BCAT1: variants seen among roughly 807,000 people sequenced by gnomAD.
BCAT1 encodes branched-chain-amino-acid aminotransferase, cytosolic.
A neutral mutation model predicts 52.4 loss-of-function variants in BCAT1; 48 were observed. The ratio of observed to expected loss-of-function variants is 0.92; its 90% CI spans 0.73 to 1.16. The LOEUF (loss-of-function observed/expected upper bound fraction) is 1.16, where lower values mean the gene tolerates loss of function less well. Among genes scored for constraint, BCAT1 ranks in the 50% most tolerant of loss-of-function variants. The pLI, the probability that BCAT1 is intolerant of heterozygous loss-of-function variation, is 0.00. For missense variants in BCAT1, 451 were observed against 457.1 expected (o/e 0.99, Z 0.12); for synonymous variants, 167 against 161.3 (o/e 1.04, Z -0.27).
chr12:24,928,409 CAGG>C (rs1943626007), intron 1 of BCAT1, among the ~76,000 whole-genome samples: 1 of 152,028 alleles, frequency 6.6e-6, no homozygotes, highest in African/African-American at 2.4e-5. Flanking sequence ...GAGGCTGAGG[CAGG>C]AGAATTGTTT....
intron 1 of BCAT1, among the ~76,000 whole-genome samples, chr12:24,924,622 G>T (rs1943552695): frequency 1.3e-5 from 2 of 152,012 alleles, no homozygotes; most frequent in Non-Finnish European, 2.9e-5. Flanking sequence ...ATGTGAAATA[G>T]CCAATGAGCC....
chr12:24,923,552 G>A lies in BCAT1; in HGVS notation c.7-21667C>T, dbSNP rs151313875. ...CTCCTGAGTAGCTGGGACTACAGGC[G>A]TGCACCACCATGCCTGGCTAATTTT... On this transcript the variant is annotated intron_variant, in intron 1 of 10. Coordinates refer to ENST00000261192, the MANE Select transcript of BCAT1 (RefSeq NM_005504.7). Among the ~76,000 whole-genome samples the A allele has an allele frequency of 1.4e-4, 22 of 152,178 alleles. 1 individual carries two copies. The highest frequency in any genetic ancestry group is 4.3e-4 in the African/African-American group (18 of 41,528).
chr12:24,844,170 G>A lies in BCAT1; in HGVS notation c.675-1946C>T, dbSNP rs985625650. 5.9e-5 allele frequency among the ~76,000 whole-genome samples: 9 copies of A among 152,322 alleles called. No individual in the cohort carries two copies. The East Asian group carries it at 1.7e-3, about 29-fold the overall frequency. On this transcript the variant is annotated intron_variant, in intron 6 of 10. Transcript: ENST00000261192. ...AGGCCGGGCACGGTGGCTCATGCCT[G>A]TAATCCCAGCACTTTGGGAGGCTGA... is the stretch of plus-strand genomic sequence containing the variant.
intron 10 of BCAT1, among the ~76,000 whole-genome samples, chr12:24,820,386 A>G (rs1189890347): frequency 6.6e-6 from 1 of 152,210 alleles, no homozygotes; most frequent in East Asian, 1.9e-4. Context: ...TTTTCAAGGG[A>G]AAATAATTCT....
At chr12:24,924,838 G>A (rs926774028) in intron 1 of BCAT1, among the ~76,000 whole-genome samples, 12 of 152,174 alleles carry the variant, frequency 7.9e-5, no homozygotes, top group African/African-American at 2.9e-4. Context: ...CTATGTAGGA[G>A]AATGTCCCAT....
At chr12:24,940,897 T>C (rs958546940) in intron 1 of BCAT1, among the ~76,000 whole-genome samples, 1 of 152,212 alleles carries the variant, frequency 6.6e-6, no homozygotes, top group African/African-American at 2.4e-5. Context: ...TTCAAAATTC[T>C]AGGATTCAAT....
chr12:24,863,938 A>T (rs1422258546), intron 5 of BCAT1, among the ~76,000 whole-genome samples: 1 of 152,154 alleles, frequency 6.6e-6, no homozygotes, highest in Non-Finnish European at 1.5e-5. Context: ...CTCAAAAAAA[A>T]AAAAGAAGCC....
chr12:24,915,814 G>A (rs572839627), intron 1 of BCAT1, among the ~76,000 whole-genome samples: 10 of 152,326 alleles, frequency 6.6e-5, no homozygotes, highest in Non-Finnish European at 8.8e-5. Flanking sequence ...TGGCTCTTAA[G>A]TTGGCTTTGT....
rs540239734 is a variant in BCAT1, at chr12:24,874,975, A to G, written c.510+3555T>C. Among the ~76,000 whole-genome samples the G allele has an allele frequency of 9.9e-4, 149 of 150,734 alleles. 13 individuals are homozygous for G. The highest frequency in any genetic ancestry group is 4.0e-4 in the Admixed American group (6 of 15,000). ...TATGAAAAGGACATGAAATAAAAAC[A>G]TATAGAAGTCAGCCAAAAGCAAGAC... On this transcript the variant is annotated intron_variant, in intron 5 of 10. Coordinates refer to ENST00000261192, the MANE Select transcript of BCAT1 (RefSeq NM_005504.7).
chr12:24,846,287 C>A (rs1292453579), intron 6 of BCAT1, among the ~76,000 whole-genome samples: 1 of 152,164 alleles, frequency 6.6e-6, no homozygotes, highest in Non-Finnish European at 1.5e-5. Flanking sequence ...TTTATTCCCC[C>A]AAACAAGTTT....
intron 10 of BCAT1, among the ~76,000 whole-genome samples, chr12:24,822,896 A>G (rs182291385): frequency 5.5e-4 from 84 of 152,354 alleles, no homozygotes; most frequent in African/African-American, 1.7e-3. Context: ...ATTGGCCATA[A>G]GCACTAATTT....
intron 10 of BCAT1, among the ~76,000 whole-genome samples, chr12:24,818,901 C>T (rs1247910471): frequency 6.6e-6 from 1 of 152,038 alleles, no homozygotes; most frequent in Non-Finnish European, 1.5e-5. Context: ...AACAAAAATG[C>T]CTGTGTTTAT....
At chr12:24,881,487 T>C in intron 3 of BCAT1, 76 bp from the exon 4 acceptor site, 3 of 906,340 alleles carry the variant, frequency 3.3e-6, no homozygotes, top group Non-Finnish European at 5.3e-6. Context: ...GACTTTCCTA[T>C]GGGCGTTCAT....
intron 3 of BCAT1, among the ~76,000 whole-genome samples, chr12:24,891,947 T>A (rs1033663445): frequency 1.3e-5 from 2 of 150,742 alleles, no homozygotes; most frequent in Non-Finnish European, 3.0e-5. Flanking sequence ...TTAGTAGAGA[T>A]GGGGTTTCAC....
chr12:24,859,991 GT>G (rs1941809267), intron 5 of BCAT1, among the ~76,000 whole-genome samples: 1 of 152,174 alleles, frequency 6.6e-6, no homozygotes, highest in Non-Finnish European at 1.5e-5. Flanking sequence ...ATATGACTTA[GT>G]TTATGTTATC....
rs1939842441 is a variant in BCAT1, at chr12:24,815,436, A to C, written c.*2572T>G. The C allele has an allele frequency of 6.6e-6, 1 of 152,646 alleles. No individual in the cohort carries two copies. Among genetic ancestry groups the C allele is most frequent in the Admixed American group, 6.5e-5 (1 of 15,272 alleles). The allele number at this position is 152,646 out of a possible 1,614,324, so 9.5% of individuals were successfully genotyped here. A position where few individuals can be genotyped will look rare whatever the true frequency, so the allele number is the denominator to read the frequency against. On this transcript the variant is annotated 3_prime_UTR_variant, in exon 11 of 11. Coordinates refer to ENST00000261192, the MANE Select transcript of BCAT1 (RefSeq NM_005504.7). ...ATTAGCTTCACATGTTCCTAATGCT[A>C]GACCATCTTATGCCTTAAACGATCA... is the stretch of plus-strand genomic sequence containing the variant.
chr12:24,927,892 C>T (rs546098007), intron 1 of BCAT1, among the ~76,000 whole-genome samples: 13 of 152,158 alleles, frequency 8.5e-5, no homozygotes, highest in Non-Finnish European at 1.2e-4. Context: ...TCTACCATCC[C>T]TATCTGGAGA....
chr12:24,867,016 A>G (rs1942039603), intron 5 of BCAT1, among the ~76,000 whole-genome samples: 1 of 152,158 alleles, frequency 6.6e-6, no homozygotes, highest in Non-Finnish European at 1.5e-5. Context: ...CTCACTGGGA[A>G]GGTCTGCAGC....
In BCAT1 at chr12:24,836,612, T is replaced by A. The variant is rs1325965662; in HGVS notation, c.818-16A>T. On this transcript the variant is annotated splice_polypyrimidine_tract_variant and intron_variant, in intron 7 of 10. Transcript: ENST00000261192. The stretch of plus-strand genomic sequence containing the variant: ...AGTTCTTCTTCTGTCAATCAGAAAT[T>A]GGGACATTTTCAAACTTTCACTACA... 6.3e-7 allele frequency: 1 copy of A among 1,598,134 alleles called. No homozygotes were observed. Among genetic ancestry groups the A allele is most frequent in the East Asian group, 2.2e-5 (1 of 44,712 alleles).
Sources: gnomAD v4.1 joint callset for allele counts (sites outside exome capture counted in the v4.1 genomes callset) on GRCh38, gnomAD v4.1.1 for gene constraint, MANE v1.5 for transcripts, NCBI Gene and HGNC (gene_info 2026-07-23, HGNC 2026-07-21) for gene names.